The following BANP variants were observed in gnomAD, a reference collection of about 807,000 sequenced individuals.
BANP encodes BTG3 associated nuclear protein, also known as protein BANP.
In BANP, 11 loss-of-function variants were observed where a neutral mutation model predicts 68.1. The ratio of observed to expected loss-of-function variants is 0.16; its 90% CI spans 0.10 to 0.27. BANP has a LOEUF of 0.27. BANP is among the 10% of genes least tolerant of loss of function. BANP has a pLI of 1.00. For missense variants in BANP, 504 were observed against 722.7 expected, an observed-to-expected ratio of 0.70 and a Z score of 3.47; for synonymous variants, 329 against 303.2, an observed-to-expected ratio of 1.09 and a Z score of -0.88.
chr16:87,954,314 A>G (rs910471028), intron 1 of BANP, among the ~76,000 whole-genome samples: 5 of 152,126 alleles, frequency 3.3e-5, no homozygotes, highest in Admixed American at 6.6e-5. Flanking sequence ...CCTCATCTCC[A>G]TGACTCTAAG....
At chr16:88,005,862 A>G (rs2070908577) in intron 5 of BANP, among the ~76,000 whole-genome samples, 1 of 152,184 alleles carries the variant, frequency 6.6e-6, no homozygotes, top group Non-Finnish European at 1.5e-5. Context: ...TTTGTGATAC[A>G]AACATTTTCT....
chr16:88,046,437 C>A (rs779760234), intron 11 of BANP, among the ~76,000 whole-genome samples: 1 of 152,214 alleles, frequency 6.6e-6, no homozygotes, highest in Non-Finnish European at 1.5e-5. Flanking sequence ...AAGAAATACT[C>A]AGCATAACGT....
At chr16:87,987,334 C>T (rs1381945547) in intron 4 of BANP, among the ~76,000 whole-genome samples, 3 of 152,318 alleles carry the variant, frequency 2.0e-5, no homozygotes, top group Admixed American at 6.5e-5. Context: ...CTGCCTCGGC[C>T]TCCCAAAGTG....
intron 11 of BANP, among the ~76,000 whole-genome samples, chr16:88,063,062 T>C (rs1156389886): frequency 6.6e-6 from 1 of 152,238 alleles, no homozygotes; most frequent in Non-Finnish European, 1.5e-5. Context: ...CTCAGCCTCC[T>C]GTGTGTTTTA....
At chr16:87,980,483 CT>C (rs1200874021) in intron 2 of BANP, 1 of 153,432 alleles carries the variant, frequency 6.5e-6, no homozygotes, top group Non-Finnish European at 1.5e-5. Context: ...CTGACGCTTG[CT>C]GTGTGATGGG....
At chr16:87,973,259 C>T (rs2061438850) in intron 1 of BANP, among the ~76,000 whole-genome samples, 1 of 149,272 alleles carries the variant, frequency 6.7e-6, no homozygotes, top group Non-Finnish European at 1.5e-5. Context: ...GTCATCAGCT[C>T]TTTTTTTTTT....
chr16:88,018,359 C>T lies in BANP; in HGVS notation c.656-69C>T, dbSNP rs1197540748. ...CTTTCCCGACTGTGCCTGAGCAGAG[C>T]GCTCTGCTGTCCTGAATGTGAGCTT... On this transcript the variant is annotated intron_variant, in intron 6 of 13. Transcript: ENST00000682872. This position sits in a 1 kb window ranked among gnomAD's most constrained non-coding sequence, Gnocchi z 7.7. 1.3e-5 allele frequency: 20 copies of T among 1,547,192 alleles called. No homozygotes were observed. Among genetic ancestry groups the T allele is most frequent in the African/African-American group, 6.8e-5 (5 of 73,816 alleles).
intron 2 of BANP, among the ~76,000 whole-genome samples, chr16:87,976,474 GTTTTTT>G (rs59786663): frequency 2.1e-5 from 2 of 95,958 alleles, no homozygotes; most frequent in East Asian, 6.1e-4. Context: ...GTTTTAAAAA[GTTTTTT>G]TTTTTTTTTG....
intron 4 of BANP, among the ~76,000 whole-genome samples, chr16:87,985,159 G>T (rs1164832961): frequency 6.6e-6 from 1 of 152,228 alleles, no homozygotes; most frequent in Non-Finnish European, 1.5e-5. Context: ...TGTGGGCCTC[G>T]CCAGGGGGTG....
intron 8 of BANP, among the ~76,000 whole-genome samples, chr16:88,027,941 G>A (rs941820409): frequency 2.0e-5 from 3 of 152,274 alleles, no homozygotes; most frequent in Non-Finnish European, 4.4e-5. Context: ...CGAGGCCTTT[G>A]CGTGGGGCTG....
Position 88,004,570 on chromosome 16 carries a change from G to C in BANP, c.479+159G>C, listed in dbSNP as rs1430856487. 1.3e-5 allele frequency among the ~76,000 whole-genome samples: 2 copies of C among 152,198 alleles called. No individual in the cohort carries two copies. Among genetic ancestry groups the C allele is most frequent in the African/African-American group, 2.4e-5 (1 of 41,444 alleles). ...GCACCGCCCCAGCTCTCTGAGGTCG[G>C]GGAGGGCAGGCTGGGCGATGCTGAA... On this transcript the variant is annotated intron_variant, in intron 5 of 13. Coordinates refer to ENST00000682872, the MANE Select transcript of BANP (RefSeq NM_001386991.1). This position sits in a 1 kb window ranked among gnomAD's most constrained non-coding sequence, Gnocchi z 7.0.
intron 2 of BANP, among the ~76,000 whole-genome samples, chr16:87,976,898 A>G (rs894789488): frequency 6.6e-6 from 1 of 152,256 alleles, no homozygotes; most frequent in Non-Finnish European, 1.5e-5. Flanking sequence ...CAGTTTCTTT[A>G]GAAAACATAA....
intron 4 of BANP, among the ~76,000 whole-genome samples, chr16:87,986,618 G>T (rs1240357893): frequency 2.6e-5 from 4 of 152,172 alleles, no homozygotes; most frequent in African/African-American, 4.8e-5. Flanking sequence ...TTTGGCCCAG[G>T]GTCCTCCTGC....
At chr16:88,044,144 T>C (rs1326645979) in intron 11 of BANP, among the ~76,000 whole-genome samples, 1 of 152,230 alleles carries the variant, frequency 6.6e-6, no homozygotes, top group Non-Finnish European at 1.5e-5. Context: ...GCAGACTCCC[T>C]ATAAAGGCCA....
chr16:87,972,793 G>C (rs534774828), intron 1 of BANP, among the ~76,000 whole-genome samples: 2 of 152,112 alleles, frequency 1.3e-5, no homozygotes, highest in Admixed American at 6.5e-5. Context: ...CACATTTTGT[G>C]TTCAGTTCCA....
Position 88,071,106 on chromosome 16 carries a change from G to C in BANP, c.1378-963G>C. 3.7e-6 allele frequency: 1 copy of C among 272,212 alleles called. No homozygotes were observed. The highest frequency in any genetic ancestry group is 5.1e-5 in the Admixed American group (1 of 19,554). The allele number at this position is 272,212 out of a possible 1,614,324, so 16.9% of individuals were successfully genotyped here. ...CCCACGGAGGGGATGCTGCGGCCAG[G>C]CTCCGTGGGGTGGGGCACCCTGCGA... is the stretch of plus-strand genomic sequence containing the variant. On this transcript the variant is annotated intron_variant, in intron 12 of 13. Coordinates refer to ENST00000682872, the MANE Select transcript of BANP (RefSeq NM_001386991.1). The surrounding 1 kb of genome is among the most constrained non-coding windows in gnomAD (Gnocchi z 6.5).
At chr16:88,061,174 T>G (rs1365757473) in intron 11 of BANP, among the ~76,000 whole-genome samples, 1 of 152,226 alleles carries the variant, frequency 6.6e-6, no homozygotes. Flanking sequence ...CAGAGCACTG[T>G]GGAGACTGCT....
chr16:87,971,936 G>A (rs1415601848), intron 1 of BANP, among the ~76,000 whole-genome samples: 1 of 152,084 alleles, frequency 6.6e-6, no homozygotes, highest in Non-Finnish European at 1.5e-5. Flanking sequence ...GGGACCACAG[G>A]CAGGTGCCAC....
At chr16:88,027,123 T>C (rs1159580723) in intron 7 of BANP, among the ~76,000 whole-genome samples, 1 of 152,236 alleles carries the variant, frequency 6.6e-6, no homozygotes, top group Non-Finnish European at 1.5e-5. Flanking sequence ...TGGGTGCTGC[T>C]GTGAGCTCAG....
Sources: allele counts gnomAD v4.1 joint callset (sites outside exome capture counted in the v4.1 genomes callset), GRCh38; gene constraint gnomAD v4.1.1; non-coding constraint Gnocchi (gnomAD v3.1); transcripts MANE v1.5; gene names NCBI Gene and HGNC (gene_info 2026-07-23, HGNC 2026-07-21).